The following LRP1B variants were observed in gnomAD, a reference collection of about 807,000 sequenced individuals.
LRP1B encodes the protein low-density lipoprotein receptor-related protein 1B.
In LRP1B, 217 loss-of-function variants were observed where a neutral mutation model predicts 556.6. That is an observed-to-expected ratio of 0.39 (90% CI 0.35 to 0.44). The LOEUF is 0.44. LRP1B is among the 20% of genes least tolerant of loss of function. LRP1B has a pLI of 1.00. For missense variants in LRP1B, 5,053 were observed against 5,620.8 expected, an observed-to-expected ratio of 0.90 and a Z score of 3.23; for synonymous variants, 2,047 against 1,865.8, an observed-to-expected ratio of 1.10 and a Z score of -2.50.
intron 7 of LRP1B, among the ~76,000 whole-genome samples, chr2:141,082,054 G>A (rs1030892772): frequency 4.0e-5 from 6 of 151,642 alleles, no homozygotes; most frequent in Non-Finnish European, 7.4e-5. Flanking sequence ...TCATGACAAA[G>A]GAAAAAAGAT....
chr2:140,346,148 G>A (rs1681673372), intron 77 of LRP1B, among the ~76,000 whole-genome samples: 2 of 151,352 alleles, frequency 1.3e-5, no homozygotes, highest in South Asian at 4.2e-4. Context: ...TAAAAACTCA[G>A]CACCAAAAGT....
intron 7 of LRP1B, among the ~76,000 whole-genome samples, chr2:141,168,554 C>CA (rs1317655107): frequency 6.6e-6 from 1 of 151,606 alleles, no homozygotes; most frequent in Non-Finnish European, 1.5e-5. Context: ...TTCAGTCTGT[C>CA]AAAAAAGAAA....
intron 2 of LRP1B, among the ~76,000 whole-genome samples, chr2:141,781,620 G>A (rs1006121067): frequency 2.6e-5 from 4 of 152,202 alleles, no homozygotes; most frequent in African/African-American, 9.6e-5. Context: ...AACTTCGGCA[G>A]AGGAGTATGT....
chr2:140,287,485 T>G (rs1683194200), intron 84 of LRP1B, among the ~76,000 whole-genome samples: 1 of 151,800 alleles, frequency 6.6e-6, no homozygotes. Flanking sequence ...GATTCATTTC[T>G]GTCAGTTGAT....
At chr2:141,356,152 T>A (rs779828081) in intron 3 of LRP1B, among the ~76,000 whole-genome samples, 1 of 152,214 alleles carries the variant, frequency 6.6e-6, no homozygotes, top group Non-Finnish European at 1.5e-5. Flanking sequence ...ATTTTTGTAA[T>A]GCTGCTGCTA....
chr2:142,029,487 A>G (rs148366707), intron 1 of LRP1B, among the ~76,000 whole-genome samples: 249 of 152,030 alleles, frequency 1.6e-3, no homozygotes, highest in African/African-American at 5.8e-3. Context: ...TAGAAAACAT[A>G]TAATACATTT....
chr2:141,183,188 T>G (rs1032323723), intron 7 of LRP1B, among the ~76,000 whole-genome samples: 1 of 152,006 alleles, frequency 6.6e-6, no homozygotes, highest in Non-Finnish European at 1.5e-5. Flanking sequence ...TGCAAGTGCA[T>G]TAGTTAGTGA....
intron 66 of LRP1B, among the ~76,000 whole-genome samples, chr2:140,438,405 T>G (rs1477354297): frequency 1.3e-5 from 2 of 152,180 alleles, no homozygotes; most frequent in African/African-American, 4.8e-5. Context: ...CGGTATAGCT[T>G]AGAACTGTAT....
chr2:140,373,439 C>A lies in LRP1B; in HGVS notation c.10639-302G>T, dbSNP rs550912037. ...CCATGAATATACAACAGAATTATAACAATTTTCTACTTTCATTTGTCCCTG... is the reference window on the plus strand; with the variant it reads ...CCATGAATATACAACAGAATTATAAAAATTTTCTACTTTCATTTGTCCCTG... On this transcript the variant is annotated intron_variant, in intron 68 of 90. Coordinates refer to ENST00000389484, the MANE Select transcript of LRP1B (RefSeq NM_018557.3). Among the ~76,000 whole-genome samples the A allele has an allele frequency of 2.0e-4, 30 of 152,034 alleles. 1 individual carries two copies. In the South Asian group the frequency reaches 5.2e-3, roughly 26 times the overall value.
intron 1 of LRP1B, among the ~76,000 whole-genome samples, chr2:142,051,876 T>C (rs142248111): frequency 6.6e-6 from 1 of 152,274 alleles, no homozygotes; most frequent in Non-Finnish European, 1.5e-5. Flanking sequence ...ATCATGAGTA[T>C]ATCACAAACA....
At chr2:141,480,952 A>G (rs1182878139) in intron 2 of LRP1B, among the ~76,000 whole-genome samples, 2 of 152,208 alleles carry the variant, frequency 1.3e-5, no homozygotes, top group Admixed American at 1.3e-4. Context: ...ACATCAGGTA[A>G]CAGGAACAAA....
At chr2:141,480,988 G>A (rs141537290) in intron 2 of LRP1B, among the ~76,000 whole-genome samples, 44 of 152,266 alleles carry the variant, frequency 2.9e-4, no homozygotes, top group African/African-American at 1.0e-3. Context: ...TTTACTTGAA[G>A]TTATGTCAAT....
chr2:140,520,799 A>AAG (rs1690133721), intron 49 of LRP1B, among the ~76,000 whole-genome samples: 1 of 12,032 alleles, frequency 8.3e-5, no homozygotes, highest in South Asian at 1.5e-3. Flanking sequence ...AAGAAAACAG[A>AAG]AAAAAAAAAA....
intron 27 of LRP1B, among the ~76,000 whole-genome samples, chr2:140,857,094 G>A (rs10170094): frequency 0.83 from 126,872 of 152,112 alleles, 53,638 homozygotes; most frequent in Non-Finnish European, 0.91. Flanking sequence ...ATTATAGTCC[G>A]TTTCTCACCA....
At chr2:140,822,439 A>G (rs1414814554) in intron 31 of LRP1B, among the ~76,000 whole-genome samples, 1 of 152,232 alleles carries the variant, frequency 6.6e-6, no homozygotes, top group African/African-American at 2.4e-5. Flanking sequence ...TATTTTAAGT[A>G]TGTCACATGT....
chr2:140,766,231 C>T (rs1300498553), intron 35 of LRP1B, among the ~76,000 whole-genome samples: 1 of 151,786 alleles, frequency 6.6e-6, no homozygotes, highest in Non-Finnish European at 1.5e-5. Flanking sequence ...CAAGTAGAGA[C>T]TGACACAACA....
intron 86 of LRP1B, among the ~76,000 whole-genome samples, chr2:140,251,830 A>G (rs531024593): frequency 6.6e-6 from 1 of 151,850 alleles, no homozygotes; most frequent in East Asian, 2.0e-4. Context: ...CAGTTTATGC[A>G]AAAGGATTTT....
At chr2:141,202,788 C>T (rs191460331) in intron 6 of LRP1B, among the ~76,000 whole-genome samples, 1 of 152,036 alleles carries the variant, frequency 6.6e-6, no homozygotes, top group Admixed American at 6.6e-5. Flanking sequence ...ATATGCAGAA[C>T]GTGCAGTTTT....
At chr2:141,518,122 TAAA>T (rs56316293) in intron 2 of LRP1B, among the ~76,000 whole-genome samples, 14 of 150,554 alleles carry the variant, frequency 9.3e-5, no homozygotes, top group East Asian at 5.9e-4. Flanking sequence ...AGGTTATCTT[TAAA>T]AAAAAAAAAG....
Sources: gnomAD v4.1 joint callset for allele counts (sites outside exome capture counted in the v4.1 genomes callset) on GRCh38, gnomAD v4.1.1 for gene constraint, MANE v1.5 for transcripts, NCBI Gene and HGNC (gene_info 2026-07-23, HGNC 2026-07-21) for gene names.